The following METRNL variants were observed in gnomAD, a reference collection of about 807,000 sequenced individuals.
METRNL encodes meteorin like, glial cell differentiation regulator, also known as meteorin-like protein.
Under a neutral mutation model 17.4 loss-of-function variants are expected in METRNL, and 9 were observed. The observed-to-expected ratio is 0.52, with a 90% CI of 0.31 to 0.90. The LOEUF (loss-of-function observed/expected upper bound fraction) is 0.90. Among genes scored for constraint, METRNL ranks in the 40% least tolerant of loss-of-function variants. METRNL has a pLI of 0.05. For synonymous variants in METRNL, 215 were observed against 199.3 expected, an observed-to-expected ratio of 1.08 and a Z score of -0.66; for missense variants, 408 against 430.7, an observed-to-expected ratio of 0.95 and a Z score of 0.47.
chr17:83,093,862 G>A (rs1223203795), intron 3 of METRNL, among the ~76,000 whole-genome samples: 1 of 152,198 alleles, frequency 6.6e-6, no homozygotes, highest in Admixed American at 6.5e-5. Flanking sequence ...CATGGAGTTG[G>A]GGCTGGGCAG....
intron 2 of METRNL, among the ~76,000 whole-genome samples, chr17:83,086,757 A>T (rs956725180): frequency 2.6e-5 from 4 of 152,202 alleles, no homozygotes; most frequent in Admixed American, 2.6e-4. Flanking sequence ...GCTGTGGTGT[A>T]GTCCGTCCCT....
chr17:83,085,000 G>T lies in METRNL; in HGVS notation c.233G>T (p.Gly78Val). 6.2e-7 allele frequency: 1 copy of T among 1,613,742 alleles called. No individual in the cohort carries two copies. Among genetic ancestry groups the T allele is most frequent in the Non-Finnish European group, 8.5e-7 (1 of 1,179,988 alleles). ...VEQVYLRCAA[G>V]AVEWMYPTGA... ...CAGGTGTATCTGCGCTGTGCGGCGGGTGCCGTGGAGTGGATGTACCCAACA... is the reference window on the plus strand; with the variant it reads ...CAGGTGTATCTGCGCTGTGCGGCGGTTGCCGTGGAGTGGATGTACCCAACA... The change falls in exon 2 of 4, where the codon GGT becomes GTT. Residue 78 changes from glycine (G) to valine (V), a missense_variant. By Grantham distance (109) the Gly-to-Val change is moderately radical. Transcript: ENST00000320095.
intron 1 of METRNL, 123 bp downstream of exon 1, chr17:83,080,108 C>T (rs1600481347): frequency 5.2e-6 from 2 of 386,578 alleles, no homozygotes; most frequent in East Asian, 1.6e-4. Flanking sequence ...CCGGGGGCCG[C>T]TCTCCAGGCC....
chr17:83,094,649 T>TGCGGTGAGGGCCGC lies in METRNL; in HGVS notation c.*78_*91dup, dbSNP rs1180099698. 1 of 1,274,788 alleles carries TGCGGTGAGGGCCGC rather than the reference T, an allele frequency of 7.8e-7. No individual in the cohort carries two copies. Among genetic ancestry groups the TGCGGTGAGGGCCGC allele is most frequent in the African/African-American group, 1.5e-5 (1 of 65,106 alleles). 79.0% of individuals were successfully genotyped at this position (1,274,788 alleles called of 1,614,324 possible). A position where few individuals can be genotyped will look rare whatever the true frequency, so the allele number is the denominator to read the frequency against. On this transcript the variant is annotated 3_prime_UTR_variant, in exon 4 of 4. Coordinates refer to ENST00000320095, the MANE Select transcript of METRNL (RefSeq NM_001004431.3). ...GGGCGCTGCGGTCCTGGTGGGGCCG[T>TGCGGTGAGGGCCGC]GCGGTGAGGGCCGCGCGCTGGGAGC...
chr17:83,089,133 G>A (rs1360204185), intron 2 of METRNL, among the ~76,000 whole-genome samples: 2 of 152,124 alleles, frequency 1.3e-5, no homozygotes, highest in Admixed American at 6.5e-5. Context: ...CCTGGAGTGC[G>A]GCCGCAGCGC....
chr17:83,080,502 C>A (rs566743823), intron 1 of METRNL, among the ~76,000 whole-genome samples: 7 of 144,652 alleles, frequency 4.8e-5, no homozygotes, highest in African/African-American at 1.5e-4. Flanking sequence ...TCCGGCCGGG[C>A]CCCCCGCCCC....
chr17:83,094,808 AT>A lies in METRNL; in HGVS notation c.*242del, dbSNP rs1261200229. ...TGTAAAATGCAAACTAAGTTATTAT[AT>A]TTTTTTTTGGTAAAAAAGAAATGTC... On this transcript the variant is annotated 3_prime_UTR_variant, in exon 4 of 4. Coordinates refer to ENST00000320095, the MANE Select transcript of METRNL (RefSeq NM_001004431.3). 312 of 385,342 alleles carry A rather than the reference AT, an allele frequency of 8.1e-4. No individual in the cohort carries two copies. Among genetic ancestry groups the A allele is most frequent in the Middle Eastern group, 1.3e-3 (2 of 1,566 alleles). 23.9% of individuals were successfully genotyped at this position (385,342 alleles called of 1,614,324 possible).
intron 1 of METRNL, among the ~76,000 whole-genome samples, chr17:83,082,423 A>G (rs2038000450): frequency 6.6e-6 from 1 of 152,196 alleles, no homozygotes; most frequent in Admixed American, 6.5e-5. Flanking sequence ...CTTTCCATGA[A>G]GGTGCCCCAC....
intron 2 of METRNL, among the ~76,000 whole-genome samples, chr17:83,089,524 C>T (rs1354883839): frequency 2.6e-5 from 4 of 152,056 alleles, no homozygotes; most frequent in African/African-American, 9.7e-5. Flanking sequence ...GTCCCCAACC[C>T]CACCCTGCCG....
intron 2 of METRNL, among the ~76,000 whole-genome samples, 194 bp downstream of exon 2, chr17:83,085,517 C>T (rs964290876): frequency 3.3e-5 from 5 of 152,016 alleles, no homozygotes; most frequent in African/African-American, 7.2e-5. Flanking sequence ...CACTGGCGCC[C>T]GCAGAGGGGC....
chr17:83,085,271 C>T lies in METRNL; in HGVS notation c.504C>T (p.Phe168=). The T allele has an allele frequency of 6.4e-7, 1 of 1,558,586 alleles. No homozygotes were observed. Among genetic ancestry groups the T allele is most frequent in the Non-Finnish European group, 8.7e-7 (1 of 1,150,850 alleles). Residue 168 remains phenylalanine (F), a synonymous_variant, in exon 2 of 4, where the codon TTC becomes TTT. Transcript: ENST00000320095. ...ATATCGGCCGGAGGACCACAGGCTT[C>T]CAGTACGAGCTGGTTAGGAGGCACA... ...QQDIGRRTTG[F]QYELVRRHRA...
chr17:83,079,862 G>A lies in METRNL; in HGVS notation c.47G>A (p.Trp16Ter). 1 of 971,180 alleles carries A rather than the reference G, an allele frequency of 1.0e-6. No homozygotes were observed. Among genetic ancestry groups the A allele is most frequent in the Non-Finnish European group, 1.2e-6 (1 of 820,466 alleles). The allele number at this position is 971,180 out of a possible 1,614,324, so 60.2% of individuals were successfully genotyped here. A position where few individuals can be genotyped will look rare whatever the true frequency, so the allele number is the denominator to read the frequency against. ...RAAWGRAGQP[W>*]PRPPAPGPPP... ...GCCTGGGGGCGCGCGGGGCAGCCGT[G>A]GCCGCGACCCCCCGCCCCGGGCCCG... The change falls in exon 1 of 4, where the codon TGG (tryptophan) becomes TAG (stop). Residue 16 changes from tryptophan (W) to a stop codon, truncating the protein, a stop_gained. Coordinates refer to ENST00000320095, the MANE Select transcript of METRNL (RefSeq NM_001004431.3). LOFTEE classifies it high-confidence loss of function.
intron 2 of METRNL, among the ~76,000 whole-genome samples, chr17:83,091,122 C>G (rs909882028): frequency 6.6e-6 from 1 of 152,148 alleles, no homozygotes. Context: ...AGCTCCCATT[C>G]TGGAGGGTTG....
chr17:83,084,997 C>T lies in METRNL; in HGVS notation c.230C>T (p.Ala77Val), dbSNP rs904472135. The T allele has an allele frequency of 2.4e-5, 39 of 1,613,496 alleles. No homozygotes were observed. Among genetic ancestry groups the T allele is most frequent in the Non-Finnish European group, 3.2e-5 (38 of 1,179,932 alleles). Residue 77 changes from alanine to valine, a missense_variant, in exon 2 of 4, where the codon GCG (alanine) becomes GTG (valine). Transcript: ENST00000320095. The part of the protein sequence containing the change: ...EVEQVYLRCA[A>V]GAVEWMYPTG... ...GAGCAGGTGTATCTGCGCTGTGCGG[C>T]GGGTGCCGTGGAGTGGATGTACCCA...
Position 83,085,250 on chromosome 17 carries a change from C to A in METRNL, c.483C>A (p.Ile161=). 6.4e-7 allele frequency: 1 copy of A among 1,574,192 alleles called. No individual in the cohort carries two copies. The highest frequency in any genetic ancestry group is 1.2e-5 in the South Asian group (1 of 84,998). Residue 161 remains isoleucine, a synonymous_variant, in exon 2 of 4, where the codon ATC becomes ATA. Transcript: ENST00000320095. ...LFVEATPQQD[I]GRRTTGFQYE... ...TGGAGGCCACGCCGCAGCAGGATAT[C>A]GGCCGGAGGACCACAGGCTTCCAGT...
intron 2 of METRNL, among the ~76,000 whole-genome samples, chr17:83,089,195 C>T (rs2038087216): frequency 6.6e-6 from 1 of 152,062 alleles, no homozygotes; most frequent in African/African-American, 2.4e-5. Flanking sequence ...AGCCTTGGGT[C>T]CTCGAGCCCA....
At chr17:83,085,420 T>C in intron 2 of METRNL, 97 bp downstream of exon 2, 2 of 1,428,568 alleles carry the variant, frequency 1.4e-6, no homozygotes, top group African/African-American at 2.9e-5. Flanking sequence ...CCTCGTCTGC[T>C]CAGCCTTGGT....
In METRNL at chr17:83,082,266, C is replaced by G. The variant is rs572585284; in HGVS notation, c.170+2281C>G. 5.6e-5 allele frequency: 55 copies of G among 985,378 alleles called. No individual in the cohort carries two copies. The Middle Eastern group carries it at 1.6e-3, about 28-fold the overall frequency. The allele number at this position is 985,378 out of a possible 1,614,324, so 61.0% of individuals were successfully genotyped here. ...AGGAAAGTTAACCTGCCAGTGGGTT[C>G]GAAGCCCTTCCTGACTTTCATACAG... is the stretch of plus-strand genomic sequence containing the variant. On this transcript the variant is annotated intron_variant, in intron 1 of 3. Coordinates refer to ENST00000320095, the MANE Select transcript of METRNL (RefSeq NM_001004431.3).
chr17:83,084,768 G>A (rs889569206), intron 1 of METRNL, 170 bp from the exon 2 acceptor site: 5 of 734,588 alleles, frequency 6.8e-6, no homozygotes, highest in Admixed American at 3.2e-5. Context: ...CGGAGATGGC[G>A]CCGGCCTGCC....
Sources: allele counts gnomAD v4.1 joint callset (sites outside exome capture counted in the v4.1 genomes callset), GRCh38; gene constraint gnomAD v4.1.1; transcripts MANE v1.5; gene names NCBI Gene and HGNC (gene_info 2026-07-23, HGNC 2026-07-21).